The following PPP2R2B variants were observed in gnomAD, a reference collection of about 807,000 sequenced individuals.
PPP2R2B encodes serine/threonine-protein phosphatase 2A 55 kDa regulatory subunit B beta isoform.
In PPP2R2B, 5 loss-of-function variants were observed where a neutral mutation model predicts 46.0. That is an observed-to-expected ratio of 0.11 (90% CI 0.06 to 0.23). The LOEUF is 0.23. Among genes scored for constraint, PPP2R2B ranks in the 10% least tolerant of loss-of-function variants. The probability of loss-of-function intolerance (pLI) is 1.00; values close to 1 mark genes in which losing one functional copy is unlikely to be tolerated. For missense variants in PPP2R2B, 367 were observed against 575.0 expected, an observed-to-expected ratio of 0.64 and a Z score of 3.70; for synonymous variants, 215 against 206.7, an observed-to-expected ratio of 1.04 and a Z score of -0.34.
At chr5:146,750,328 T>C (rs1306063815) in intron 2 of PPP2R2B, among the ~76,000 whole-genome samples, 1 of 152,254 alleles carries the variant, frequency 6.6e-6, no homozygotes, top group African/African-American at 2.4e-5. Flanking sequence ...TCTGTATTTA[T>C]AAAAATCTTG....
intron 3 of PPP2R2B, among the ~76,000 whole-genome samples, chr5:146,698,672 C>T (rs561965874): frequency 1.3e-5 from 2 of 151,832 alleles, no homozygotes; most frequent in South Asian, 4.2e-4. Flanking sequence ...ACAAAAGAGG[C>T]TCAGATATTA....
intron 2 of PPP2R2B, among the ~76,000 whole-genome samples, chr5:146,730,088 C>G (rs1439552962): frequency 1.3e-5 from 2 of 152,226 alleles, no homozygotes; most frequent in Non-Finnish European, 2.9e-5. Flanking sequence ...TGCAAAGCCA[C>G]AGGGGCAGAG....
intron 2 of PPP2R2B, among the ~76,000 whole-genome samples, chr5:146,831,312 C>T (rs1205050827): frequency 6.6e-6 from 1 of 151,940 alleles, no homozygotes; most frequent in East Asian, 1.9e-4. Flanking sequence ...GCCTGGGCAA[C>T]ATGGCGAAAC....
intron 1 of PPP2R2B, among the ~76,000 whole-genome samples, chr5:146,898,570 A>G (rs910353070): frequency 6.6e-6 from 1 of 151,496 alleles, no homozygotes; most frequent in African/African-American, 2.4e-5. Context: ...ATGGGCAAGG[A>G]CTTCATGTCT....
intron 1 of PPP2R2B, among the ~76,000 whole-genome samples, chr5:146,929,421 G>T (rs1763894176): frequency 6.6e-6 from 1 of 152,000 alleles, no homozygotes; most frequent in Admixed American, 6.6e-5. Flanking sequence ...TATAGTTTTA[G>T]AAAACATGCA....
intron 2 of PPP2R2B, among the ~76,000 whole-genome samples, chr5:147,077,316 A>C (rs909130782): frequency 1.9e-4 from 28 of 144,424 alleles, no homozygotes; most frequent in African/African-American, 7.2e-4. Flanking sequence ...ACACACCCAC[A>C]CCCACACCCC....
chr5:146,626,357 T>C (rs1774066596), intron 7 of PPP2R2B, among the ~76,000 whole-genome samples: 1 of 152,210 alleles, frequency 6.6e-6, no homozygotes, highest in African/African-American at 2.4e-5. Context: ...CTTATATGAA[T>C]GTTAAAAGAT....
intron 2 of PPP2R2B, among the ~76,000 whole-genome samples, chr5:146,795,738 T>C (rs1756489132): frequency 6.6e-6 from 1 of 152,176 alleles, no homozygotes; most frequent in Non-Finnish European, 1.5e-5. Flanking sequence ...CTCATTTCAC[T>C]AGGTATAGTA....
At chr5:146,608,361 G>C (rs188756959) in intron 7 of PPP2R2B, among the ~76,000 whole-genome samples, 30 of 152,358 alleles carry the variant, frequency 2.0e-4, no homozygotes, top group African/African-American at 6.5e-4. Context: ...ATTGGGGCTA[G>C]AACCTGGGCT....
chr5:146,770,944 A>G (rs774006973), intron 2 of PPP2R2B, among the ~76,000 whole-genome samples: 5 of 152,192 alleles, frequency 3.3e-5, no homozygotes, highest in African/African-American at 4.8e-5. Context: ...GGACAGTGAC[A>G]TTCTTTTTTA....
intron 5 of PPP2R2B, among the ~76,000 whole-genome samples, chr5:146,651,233 A>G (rs1461607876): frequency 1.3e-5 from 2 of 152,144 alleles, no homozygotes; most frequent in African/African-American, 4.8e-5. Flanking sequence ...AAACTTTAGC[A>G]TCACCCAAGA....
rs558298489 is a variant in PPP2R2B at position 146,851,564 on chromosome 5, A to T, written c.70+26438T>A. Among the ~76,000 whole-genome samples, 4 of 152,248 alleles carry T rather than the reference A, an allele frequency of 2.6e-5. No homozygotes were observed. In the South Asian group the frequency reaches 8.3e-4, roughly 32 times the overall value. On this transcript the variant is annotated intron_variant, in intron 2 of 9. Coordinates refer to ENST00000394411, the MANE Select transcript of PPP2R2B (RefSeq NM_181675.4). ...ATTGCTTCGTGGTACCAGGTAGATC[A>T]CAGTCTTTTCTTTTTACTTGATGAA... is the stretch of plus-strand genomic sequence containing the variant.
At chr5:146,771,180 G>T (rs1754832164) in intron 2 of PPP2R2B, among the ~76,000 whole-genome samples, 1 of 152,162 alleles carries the variant, frequency 6.6e-6, no homozygotes, top group South Asian at 2.1e-4. Flanking sequence ...CTAGAAGCAG[G>T]CCTAATCCCA....
At chr5:146,646,863 G>A (rs1440549150) in intron 6 of PPP2R2B, among the ~76,000 whole-genome samples, 1 of 152,160 alleles carries the variant, frequency 6.6e-6, no homozygotes, top group Non-Finnish European at 1.5e-5. Context: ...ATGTGTGTGT[G>A]TGTGTGTTTA....
At chr5:146,964,690 TAA>T (rs1262481995) in intron 1 of PPP2R2B, among the ~76,000 whole-genome samples, 2 of 152,034 alleles carry the variant, frequency 1.3e-5, no homozygotes, top group Non-Finnish European at 2.9e-5. Context: ...CACGCCAGGC[TAA>T]GTTTTTGTAT....
intron 1 of PPP2R2B, among the ~76,000 whole-genome samples, chr5:146,916,391 T>C (rs1020092668): frequency 1.3e-5 from 2 of 151,888 alleles, no homozygotes; most frequent in Admixed American, 6.6e-5. Context: ...GTATGAATGC[T>C]GGGCAGAGAG....
At chr5:147,004,679 T>C (rs997695763) in intron 1 of PPP2R2B, among the ~76,000 whole-genome samples, 2 of 152,160 alleles carry the variant, frequency 1.3e-5, no homozygotes, top group African/African-American at 4.8e-5. Context: ...GAGTTACCCA[T>C]TTGTTGTCCC....
chr5:146,867,605 A>G (rs1761384913), intron 2 of PPP2R2B, among the ~76,000 whole-genome samples: 1 of 152,148 alleles, frequency 6.6e-6, no homozygotes, highest in African/African-American at 2.4e-5. Context: ...GCCCAAGGCC[A>G]CAGAACTAGC....
chr5:146,781,151 TATATATATATATATATATATATATAA>T lies in PPP2R2B; in HGVS notation c.71-80035_71-80010del, dbSNP rs1388775100. Among the ~76,000 whole-genome samples, 64 of 108,282 alleles carry T rather than the reference TATATATATATATATATATATATATAA, an allele frequency of 5.9e-4. 2 individuals carry two copies. The highest frequency in any genetic ancestry group is 2.4e-3 in the African/African-American group (59 of 24,566). 71.0% of individuals were successfully genotyped at this position (108,282 alleles called of 152,430 possible). A position where few individuals can be genotyped will look rare whatever the true frequency, so the allele number is the denominator to read the frequency against. On this transcript the variant is annotated intron_variant, in intron 2 of 9. Coordinates refer to ENST00000394411, the MANE Select transcript of PPP2R2B (RefSeq NM_181675.4). ...ACCATGATATATATATATATATATATATATATATATATATATATATATATAAAATTATTCTCATGATATAAGTGAAG... is the reference window on the plus strand; with the variant it reads ...ACCATGATATATATATATATATATATAATTATTCTCATGATATAAGTGAAG...
Sources: gnomAD v4.1 joint callset for allele counts (sites outside exome capture counted in the v4.1 genomes callset) on GRCh38, gnomAD v4.1.1 for gene constraint, MANE v1.5 for transcripts, NCBI Gene and HGNC (gene_info 2026-07-23, HGNC 2026-07-21) for gene names.